The following ZNF385B variants were observed in gnomAD, a reference collection of about 807,000 sequenced individuals.
ZNF385B encodes the protein zinc finger protein 533.
ZNF385B carries 23 observed loss-of-function variants against 39.2 expected under a neutral mutation model. The observed-to-expected ratio is 0.59, with a 90% CI of 0.42 to 0.83. The LOEUF (loss-of-function observed/expected upper bound fraction) is 0.83. Ranked by LOEUF, ZNF385B falls within the 40% of genes least tolerant of loss-of-function variation. The pLI is 0.00. For synonymous variants in ZNF385B, 205 were observed against 222.6 expected, an observed-to-expected ratio of 0.92 and a Z score of 0.70; for missense variants, 552 against 598.9, an observed-to-expected ratio of 0.92 and a Z score of 0.82.
intron 3 of ZNF385B, among the ~76,000 whole-genome samples, chr2:179,618,897 A>ATTGT (rs1467588904): frequency 6.6e-6 from 1 of 152,216 alleles, no homozygotes; most frequent in Admixed American, 6.5e-5. Flanking sequence ...AGACACAGTT[A>ATTGT]CTATGGTTAG....
chr2:179,688,103 T>C (rs1698065274), intron 3 of ZNF385B, among the ~76,000 whole-genome samples: 1 of 152,120 alleles, frequency 6.6e-6, no homozygotes, highest in African/African-American at 2.4e-5. Context: ...AAGGAGGGTT[T>C]TGTTGCCTGG....
At chr2:179,826,650 C>G (rs953515183) in intron 1 of ZNF385B, among the ~76,000 whole-genome samples, 1 of 152,052 alleles carries the variant, frequency 6.6e-6, no homozygotes, top group Admixed American at 6.6e-5. Context: ...CTAAAATGAA[C>G]AGGTAGGTTT....
At chr2:179,470,013 C>T (rs780173022) in intron 6 of ZNF385B, among the ~76,000 whole-genome samples, 38 of 152,132 alleles carry the variant, frequency 2.5e-4, no homozygotes, top group Non-Finnish European at 4.0e-4. Flanking sequence ...AACTGACAAG[C>T]GGCCGCCTGA....
chr2:179,663,975 TTAAAC>T (rs1694828936), intron 3 of ZNF385B, among the ~76,000 whole-genome samples: 1 of 152,046 alleles, frequency 6.6e-6, no homozygotes, highest in Admixed American at 6.5e-5. Flanking sequence ...GGCAGCAGAA[TTAAAC>T]TAAAGTTTTT....
chr2:179,617,214 TC>T (rs1218769990), intron 3 of ZNF385B, among the ~76,000 whole-genome samples: 1 of 152,216 alleles, frequency 6.6e-6, no homozygotes, highest in African/African-American at 2.4e-5. Flanking sequence ...CTTCTGAGTC[TC>T]CGGTTAATAA....
intron 3 of ZNF385B, among the ~76,000 whole-genome samples, chr2:179,730,825 G>A (rs1391346763): frequency 6.6e-6 from 1 of 152,152 alleles, no homozygotes; most frequent in African/African-American, 2.4e-5. Context: ...ACAAGATAGA[G>A]GAGAAGCAGC....
intron 3 of ZNF385B, among the ~76,000 whole-genome samples, chr2:179,714,897 A>G (rs1242798846): frequency 6.8e-6 from 1 of 146,426 alleles, no homozygotes; most frequent in African/African-American, 2.5e-5. Context: ...TGGGCTGAAC[A>G]GCACCACTGC....
chr2:179,464,773 AG>A (rs1453090075), intron 6 of ZNF385B, among the ~76,000 whole-genome samples: 2 of 152,188 alleles, frequency 1.3e-5, no homozygotes. Context: ...GTTTGAAGTC[AG>A]GTAGCATGAT....
chr2:179,770,322 T>C (rs907381514), intron 2 of ZNF385B, among the ~76,000 whole-genome samples, 199 bp downstream of exon 2: 3 of 152,192 alleles, frequency 2.0e-5, no homozygotes, highest in African/African-American at 4.8e-5. Flanking sequence ...GGCCTACAAC[T>C]GCACCTGTTA....
chr2:179,586,804 C>G (rs150448427), intron 3 of ZNF385B, among the ~76,000 whole-genome samples: 1 of 152,012 alleles, frequency 6.6e-6, no homozygotes, highest in East Asian at 1.9e-4. Flanking sequence ...TCTGGGAGGC[C>G]GAGGCGGGCG....
chr2:179,716,469 TA>T (rs1313408955), intron 3 of ZNF385B, among the ~76,000 whole-genome samples: 2 of 152,206 alleles, frequency 1.3e-5, no homozygotes, highest in Non-Finnish European at 2.9e-5. Flanking sequence ...TTAGAGGCAC[TA>T]AAAAAACTTG....
intron 1 of ZNF385B, among the ~76,000 whole-genome samples, chr2:179,856,959 A>G (rs982475562): frequency 6.6e-6 from 1 of 152,192 alleles, no homozygotes; most frequent in Admixed American, 6.5e-5. Flanking sequence ...TCTGTTAAGC[A>G]TCATCTACTG....
chr2:179,645,347 G>C (rs993271892), intron 3 of ZNF385B, among the ~76,000 whole-genome samples: 2 of 151,928 alleles, frequency 1.3e-5, no homozygotes, highest in Admixed American at 6.6e-5. Context: ...CTAATACTGG[G>C]GACTGCTGAT....
chr2:179,527,569 G>A (rs2058989684), intron 4 of ZNF385B, among the ~76,000 whole-genome samples: 1 of 151,502 alleles, frequency 6.6e-6, no homozygotes, highest in African/African-American at 2.4e-5. Context: ...TTTATTTTGG[G>A]GTTTCTGTCA....
intron 3 of ZNF385B, chr2:179,659,946 A>G (rs992792733): frequency 1.3e-5 from 2 of 152,768 alleles, no homozygotes; most frequent in East Asian, 3.9e-4. Context: ...AGTAGGACAA[A>G]TAATACTAAA....
chr2:179,756,170 G>A (rs1703002254), intron 3 of ZNF385B, among the ~76,000 whole-genome samples: 1 of 151,890 alleles, frequency 6.6e-6, no homozygotes, highest in African/African-American at 2.4e-5. Context: ...TTTAGGGCAG[G>A]CCTGGTGGTG....
At chr2:179,799,022 A>G (rs1705862604) in intron 1 of ZNF385B, among the ~76,000 whole-genome samples, 1 of 151,950 alleles carries the variant, frequency 6.6e-6, no homozygotes, top group Non-Finnish European at 1.5e-5. Context: ...TTTGATTTTA[A>G]CCTAATCAAC....
chr2:179,548,608 C>G lies in ZNF385B; in HGVS notation c.299-3639G>C, dbSNP rs1465332682. On this transcript the variant is annotated intron_variant, in intron 3 of 9. Transcript: ENST00000410066. ...AAGAAAAAGAGGTTTAATGGACTCA[C>G]AGTTCTACATGGCTGGAGAGGCCTC... Among the ~76,000 whole-genome samples the G allele has an allele frequency of 2.0e-5, 3 of 149,490 alleles. 1 individual carries two copies. The highest frequency in any genetic ancestry group is 5.0e-5 in the African/African-American group (2 of 39,688).
intron 3 of ZNF385B, among the ~76,000 whole-genome samples, chr2:179,559,368 G>A (rs746102662): frequency 6.6e-6 from 1 of 152,074 alleles, no homozygotes; most frequent in Non-Finnish European, 1.5e-5. Context: ...AGTTGGCCTG[G>A]CTTCTTGAAA....
Sources: allele counts gnomAD v4.1 joint callset (sites outside exome capture counted in the v4.1 genomes callset), GRCh38; gene constraint gnomAD v4.1.1; transcripts MANE v1.5; gene names NCBI Gene and HGNC (gene_info 2026-07-23, HGNC 2026-07-21).